The following RABGAP1L variants were observed in gnomAD, a reference collection of about 807,000 sequenced individuals.
RABGAP1L encodes the protein RAB GTPase activating protein 1 like.
In RABGAP1L, 63 loss-of-function variants were observed where a neutral mutation model predicts 137.7. The ratio of observed to expected loss-of-function variants is 0.46; its 90% confidence interval spans 0.37 to 0.56. The LOEUF (loss-of-function observed/expected upper bound fraction) is 0.56, where lower values mean the gene tolerates loss of function less well. Among genes scored for constraint, RABGAP1L ranks in the 20% least tolerant of loss-of-function variants. The pLI is 0.00. For missense variants in RABGAP1L, 1,095 were observed against 1,244.0 expected (o/e 0.88, Z 1.80); for synonymous variants, 431 against 433.7 (o/e 0.99, Z 0.08).
At chr1:174,820,762 ATCT>A (rs2148885149) in intron 19 of RABGAP1L, among the ~76,000 whole-genome samples, 1 of 152,304 alleles carries the variant, frequency 6.6e-6, no homozygotes, top group Non-Finnish European at 1.5e-5. Flanking sequence ...CGCCCCTGTA[ATCT>A]TAGCACCTTG....
intron 13 of RABGAP1L, among the ~76,000 whole-genome samples, chr1:174,454,155 C>T (rs1391286313): frequency 6.6e-6 from 1 of 151,784 alleles, no homozygotes; most frequent in Non-Finnish European, 1.5e-5. Context: ...CCCAGCCACT[C>T]GGGAGGCTGA....
chr1:174,629,120 T>A (rs964406965), intron 13 of RABGAP1L, among the ~76,000 whole-genome samples: 1 of 152,156 alleles, frequency 6.6e-6, no homozygotes, highest in African/African-American at 2.4e-5. Flanking sequence ...GAATGTTAGG[T>A]TTTGTAACTT....
At chr1:174,517,372 T>G (rs1231640878) in intron 13 of RABGAP1L, among the ~76,000 whole-genome samples, 3 of 152,110 alleles carry the variant, frequency 2.0e-5, no homozygotes, top group African/African-American at 7.2e-5. Context: ...TCCCTGAAAA[T>G]TTTTTGTTAA....
chr1:174,978,040 T>C (rs574777603), intron 22 of RABGAP1L, among the ~76,000 whole-genome samples: 1 of 152,354 alleles, frequency 6.6e-6, no homozygotes, highest in African/African-American at 2.4e-5. Flanking sequence ...AGAGTTGTTT[T>C]TTGTTTGTTT....
intron 23 of RABGAP1L, among the ~76,000 whole-genome samples, chr1:174,981,315 CTCT>C (rs1671083389): frequency 6.6e-6 from 1 of 152,106 alleles, no homozygotes; most frequent in African/African-American, 2.4e-5. Flanking sequence ...CCATGGTGAT[CTCT>C]TCTTTTTAAC....
At chr1:174,361,225 G>GT (rs376884093) in intron 11 of RABGAP1L, among the ~76,000 whole-genome samples, 5,868 of 133,204 alleles carry the variant, frequency 0.044, 166 homozygotes, top group Middle Eastern at 0.098. Context: ...CTCCAGTTTT[G>GT]TTTTTTTTTT....
chr1:174,202,760 T>C (rs1336253577), intron 1 of RABGAP1L, among the ~76,000 whole-genome samples: 1 of 152,228 alleles, frequency 6.6e-6, no homozygotes, highest in Non-Finnish European at 1.5e-5. Flanking sequence ...GCCTAGGTTT[T>C]CTTCTAGGGT....
intron 15 of RABGAP1L, among the ~76,000 whole-genome samples, chr1:174,688,795 T>C (rs1276746385): frequency 6.6e-6 from 1 of 152,078 alleles, no homozygotes; most frequent in Non-Finnish European, 1.5e-5. Flanking sequence ...TATAAATGAA[T>C]CATATAAACA....
chr1:174,583,263 A>G (rs1325003493), intron 13 of RABGAP1L, among the ~76,000 whole-genome samples: 2 of 152,192 alleles, frequency 1.3e-5, no homozygotes, highest in Non-Finnish European at 2.9e-5. Flanking sequence ...TCCATATGTC[A>G]GAGCCCATCT....
rs142037125 is a variant in RABGAP1L, at chr1:174,276,321, A to C, written c.1156+386A>C. Among the ~76,000 whole-genome samples the C allele has an allele frequency of 9.2e-5, 14 of 152,044 alleles. No individual in the cohort carries two copies. In the East Asian group the frequency reaches 2.5e-3, roughly 27 times the overall value. ...GCTGCCATGCATGGCTAATTTTTAA[A>C]TTTTATTTTTGTAGCGATGGGGTCA... On this transcript the variant is annotated intron_variant, in intron 9 of 25. Coordinates refer to ENST00000681986, the MANE Select transcript of RABGAP1L (RefSeq NM_001366446.1).
At chr1:174,812,464 A>G (rs1689966825) in intron 19 of RABGAP1L, among the ~76,000 whole-genome samples, 1 of 152,202 alleles carries the variant, frequency 6.6e-6, no homozygotes, top group South Asian at 2.1e-4. Context: ...ATCAATTTGA[A>G]ATTGAAAACT....
chr1:174,555,688 T>C (rs754376823), intron 13 of RABGAP1L, among the ~76,000 whole-genome samples: 4 of 152,192 alleles, frequency 2.6e-5, no homozygotes, highest in Non-Finnish European at 5.9e-5. Context: ...AAGATCACTT[T>C]TGGTTTGCAG....
Position 174,278,615 on chromosome 1 carries a change from A to G in RABGAP1L, c.1159A>G (p.Lys387Glu). The change falls in exon 10 of 26, where the codon AAG becomes GAG. Residue 387 changes from lysine (K) to glutamate (E), a missense_variant and splice_region_variant. By Grantham distance (56) the Lys-to-Glu change is moderately conservative. Transcript: ENST00000681986. ...LALNEETPKD[K>E]QVYMTVAVDM... ...AACCCAGAAAATTTCTACTACAGAT[A>G]AGCAAGTATACATGACTGTGGCAGT... The G allele has an allele frequency of 6.2e-7, 1 of 1,605,250 alleles. No homozygotes were observed. Among genetic ancestry groups the G allele is most frequent in the Non-Finnish European group, 8.5e-7 (1 of 1,177,300 alleles).
At chr1:174,633,044 A>G (rs189638123) in intron 13 of RABGAP1L, among the ~76,000 whole-genome samples, 32 of 152,262 alleles carry the variant, frequency 2.1e-4, no homozygotes, top group Admixed American at 1.6e-3. Context: ...GCAGTCAGGC[A>G]GGAGAAGGAA....
chr1:174,272,264 A>G (rs1558088300), intron 7 of RABGAP1L, 150 bp from the exon 8 acceptor site: 1 of 648,310 alleles, frequency 1.5e-6, no homozygotes, highest in Non-Finnish European at 2.4e-6. Flanking sequence ...ATCTTCATAA[A>G]TACTTATTTC....
intron 13 of RABGAP1L, among the ~76,000 whole-genome samples, chr1:174,452,880 T>C (rs1655600180): frequency 6.6e-6 from 1 of 152,116 alleles, no homozygotes; most frequent in Non-Finnish European, 1.5e-5. Context: ...TGTTTTGTTA[T>C]CTTTGTGGGT....
chr1:174,371,108 T>G (rs1685081154), intron 12 of RABGAP1L, 36 bp downstream of exon 12: 1 of 1,190,258 alleles, frequency 8.4e-7, no homozygotes, highest in South Asian at 1.7e-5. Context: ...AATTCTATAT[T>G]TACATAGTTG....
chr1:174,930,556 A>G (rs1302410121), intron 19 of RABGAP1L, among the ~76,000 whole-genome samples: 1 of 152,098 alleles, frequency 6.6e-6, no homozygotes, highest in African/African-American at 2.4e-5. Context: ...GACTCCAGCA[A>G]TCCTCCCACC....
intron 13 of RABGAP1L, among the ~76,000 whole-genome samples, chr1:174,613,051 T>C (rs559477245): frequency 5.5e-4 from 84 of 151,602 alleles, no homozygotes; most frequent in African/African-American, 1.7e-3. Context: ...TGTGTCTCTA[T>C]TTCCTTCAGT....
Sources: allele counts gnomAD v4.1 joint callset (sites outside exome capture counted in the v4.1 genomes callset), GRCh38; gene constraint gnomAD v4.1.1; transcripts MANE v1.5; gene names NCBI Gene and HGNC (gene_info 2026-07-23, HGNC 2026-07-21).